DGKI: variants seen among roughly 807,000 people sequenced by gnomAD.
DGKI encodes the protein diacylglycerol kinase iota.
DGKI carries 55 observed loss-of-function variants against 147.5 expected under a neutral mutation model. The observed-to-expected ratio is 0.37, with a 90% CI of 0.30 to 0.47. The LOEUF is 0.47. Ranked by LOEUF, DGKI falls within the 20% of genes least tolerant of loss-of-function variation. DGKI has a pLI of 1.00. For missense variants in DGKI, 1,007 were observed against 1,323.8 expected (o/e 0.76, Z 3.71); for synonymous variants, 469 against 477.1 (o/e 0.98, Z 0.22).
chr7:137,650,140 A>G (rs1373685811), intron 5 of DGKI, among the ~76,000 whole-genome samples: 8 of 152,230 alleles, frequency 5.3e-5, no homozygotes, highest in Admixed American at 4.6e-4. Context: ...TCAGTGAGTC[A>G]TAAGTTTCAT....
At chr7:137,467,012 T>C in intron 24 of DGKI, 70 bp from the exon 25 acceptor site, 1 of 1,479,340 alleles carries the variant, frequency 6.8e-7, no homozygotes, top group African/African-American at 1.4e-5. Context: ...TAACCTTCTC[T>C]TCGACTATGC....
rs1562990269 is a variant in DGKI, at chr7:137,391,348, T to A, written c.3058-12A>T. On this transcript the variant is annotated splice_polypyrimidine_tract_variant and intron_variant, in intron 32 of 32. Transcript: ENST00000614521. ...TGAGGTGTCTTACCCTATACGAAAA[T>A]AGTGAGAAAAAAAAAAAGAGAGAGA... is the stretch of plus-strand genomic sequence containing the variant. 2.8e-5 allele frequency: 40 copies of A among 1,453,614 alleles called. No homozygotes were observed. The highest frequency in any genetic ancestry group is 4.6e-5 in the African/African-American group (3 of 65,502). 90.0% of individuals were successfully genotyped at this position (1,453,614 alleles called of 1,614,324 possible).
intron 12 of DGKI, among the ~76,000 whole-genome samples, chr7:137,588,437 CAGG>C (rs1343385995): frequency 6.7e-6 from 1 of 149,346 alleles, no homozygotes; most frequent in African/African-American, 2.5e-5. Flanking sequence ...GATTGCTCTC[CAGG>C]AGTTCACAGT....
intron 1 of DGKI, among the ~76,000 whole-genome samples, chr7:137,701,365 T>TTAATAA (rs35951392): frequency 6.6e-6 from 1 of 150,858 alleles, no homozygotes; most frequent in African/African-American, 2.4e-5. Flanking sequence ...GAAAATAAAG[T>TTAATAA]TAATAATAAT....
chr7:137,499,357 C>T lies in DGKI; in HGVS notation c.2249-11668G>A, dbSNP rs148589694. Among the ~76,000 whole-genome samples, 576 of 152,162 alleles carry T rather than the reference C, an allele frequency of 3.8e-3. 4 individuals carry two copies. Among genetic ancestry groups the T allele is most frequent in the African/African-American group, 0.013 (555 of 41,508 alleles). The stretch of plus-strand genomic sequence containing the variant: ...TGTGATGATTAATTTTATGTGTCAA[C>T]TTGACTTGGCTAAGGGACACTCAGA... On this transcript the variant is annotated intron_variant, in intron 21 of 32. Coordinates refer to ENST00000614521, the MANE Select transcript of DGKI (RefSeq NM_001321708.2).
At chr7:137,687,281 C>T (rs1265978663) in intron 2 of DGKI, among the ~76,000 whole-genome samples, 1 of 152,170 alleles carries the variant, frequency 6.6e-6, no homozygotes, top group African/African-American at 2.4e-5. Flanking sequence ...GCTCCTGCCA[C>T]CTTCCTTTTT....
chr7:137,534,235 A>G (rs976694357), intron 20 of DGKI, among the ~76,000 whole-genome samples: 3 of 152,126 alleles, frequency 2.0e-5, no homozygotes, highest in African/African-American at 7.2e-5. Flanking sequence ...TTCTTATTCT[A>G]GTACTGGAGT....
At chr7:137,691,798 G>GTTTTTTTTTTGTT (rs1823613237) in intron 1 of DGKI, among the ~76,000 whole-genome samples, 1 of 95,814 alleles carries the variant, frequency 1.0e-5, no homozygotes, top group Non-Finnish European at 2.0e-5. Flanking sequence ...AGACCTTTGG[G>GTTTTTTTTTTGTT]TTTTTTTTTT....
At chr7:137,458,311 T>C (rs1458499103) in intron 27 of DGKI, among the ~76,000 whole-genome samples, 1 of 152,204 alleles carries the variant, frequency 6.6e-6, no homozygotes, top group East Asian at 1.9e-4. Context: ...GGGTACCAGA[T>C]ACCTGCCTAG....
intron 28 of DGKI, among the ~76,000 whole-genome samples, chr7:137,427,617 T>A (rs1021799100): frequency 6.6e-6 from 1 of 152,000 alleles, no homozygotes; most frequent in African/African-American, 2.4e-5. Flanking sequence ...CAGGAGCTGG[T>A]TTTTTGAAAG....
intron 23 of DGKI, among the ~76,000 whole-genome samples, chr7:137,482,126 T>C (rs1319216344): frequency 6.6e-6 from 1 of 151,956 alleles, no homozygotes; most frequent in African/African-American, 2.4e-5. Context: ...ATAGCACCTA[T>C]ATCCCATGTG....
chr7:137,470,757 T>A lies in DGKI; in HGVS notation c.2374-1138A>T, dbSNP rs1442796426. 3.3e-5 allele frequency among the ~76,000 whole-genome samples: 5 copies of A among 152,024 alleles called. No individual in the cohort carries two copies. The East Asian group carries it at 9.7e-4, about 29-fold the overall frequency. ...TTCTTAAACTCTCCTTTCTTGCCCT[T>A]CCAAACTCCTGAAGCTTATGTTTAT... is the stretch of plus-strand genomic sequence containing the variant. On this transcript the variant is annotated intron_variant, in intron 23 of 32. Coordinates refer to ENST00000614521, the MANE Select transcript of DGKI (RefSeq NM_001321708.2).
chr7:137,448,440 A>T (rs1209858514), intron 27 of DGKI, among the ~76,000 whole-genome samples: 1 of 151,130 alleles, frequency 6.6e-6, no homozygotes, highest in African/African-American at 2.4e-5. Context: ...GATGGCATAA[A>T]GCAGATAAAA....
chr7:137,470,598 C>T (rs1814844197), intron 23 of DGKI, among the ~76,000 whole-genome samples: 1 of 151,544 alleles, frequency 6.6e-6, no homozygotes, highest in Admixed American at 6.6e-5. Context: ...GGCTGTCTTC[C>T]AGGCTGTCTT....
At chr7:137,662,655 C>T (rs113562578) in intron 3 of DGKI, among the ~76,000 whole-genome samples, 9 of 152,212 alleles carry the variant, frequency 5.9e-5, no homozygotes, top group Non-Finnish European at 7.3e-5. Flanking sequence ...GTCTGTGACC[C>T]GAGTGGAAAC....
chr7:137,752,919 A>G (rs1795551245), intron 1 of DGKI, among the ~76,000 whole-genome samples: 1 of 152,206 alleles, frequency 6.6e-6, no homozygotes, highest in South Asian at 2.1e-4. Flanking sequence ...TGACACGGGT[A>G]TTTTGCACCT....
chr7:137,581,719 C>G, intron 15 of DGKI, 131 bp downstream of exon 15: 1 of 733,494 alleles, frequency 1.4e-6, no homozygotes, highest in Admixed American at 2.5e-5. Flanking sequence ...CCAGAGTCAT[C>G]CTGAAGGTTA....
chr7:137,625,870 C>T (rs1820920565), intron 6 of DGKI, among the ~76,000 whole-genome samples: 1 of 152,124 alleles, frequency 6.6e-6, no homozygotes, highest in Non-Finnish European at 1.5e-5. Context: ...GCCCACTAGA[C>T]TCTGTGTCCT....
chr7:137,467,825 A>AT (rs1814717737), intron 24 of DGKI, among the ~76,000 whole-genome samples: 2 of 151,992 alleles, frequency 1.3e-5, no homozygotes, highest in South Asian at 4.1e-4. Context: ...TACAAAAACA[A>AT]TTTTTTTAAT....
Sources: gnomAD v4.1 joint callset for allele counts (sites outside exome capture counted in the v4.1 genomes callset) on GRCh38, gnomAD v4.1.1 for gene constraint, MANE v1.5 for transcripts, NCBI Gene and HGNC (gene_info 2026-07-23, HGNC 2026-07-21) for gene names.